NCOA5: variants seen among roughly 807,000 people sequenced by gnomAD.
NCOA5 encodes the protein nuclear receptor coactivator 5, also known as NCoA-5.
NCOA5 carries 12 observed loss-of-function variants against 59.0 expected under a neutral mutation model. That is an observed-to-expected ratio of 0.20 (90% CI 0.13 to 0.33). The LOEUF (loss-of-function observed/expected upper bound fraction) is 0.33, where lower values mean the gene tolerates loss of function less well. Ranked by LOEUF, NCOA5 falls within the 10% of genes least tolerant of loss-of-function variation. The pLI is 1.00. For missense variants in NCOA5, 655 were observed against 766.6 expected, an observed-to-expected ratio of 0.85 and a Z score of 1.72; for synonymous variants, 270 against 275.5, an observed-to-expected ratio of 0.98 and a Z score of 0.20.
chr20:46,084,660 C>T (rs1161776588), intron 1 of NCOA5, among the ~76,000 whole-genome samples: 1 of 152,216 alleles, frequency 6.6e-6, no homozygotes, highest in South Asian at 2.1e-4. Context: ...GGGAAATTTA[C>T]TCCAGTCATT....
rs1197528765 is a variant in NCOA5, at chr20:46,062,584, T to C, written c.1456A>G (p.Ser486Gly). 9.9e-6 allele frequency: 16 copies of C among 1,614,210 alleles called. No homozygotes were observed. The highest frequency in any genetic ancestry group is 1.3e-5 in the Non-Finnish European group (15 of 1,180,030). Residue 486 changes from serine (S) to glycine (G), a missense_variant, in exon 8 of 8, where the codon AGC becomes GGC. Coordinates refer to ENST00000290231, the MANE Select transcript of NCOA5 (RefSeq NM_020967.3). ...GCAGATCCTCCCTGTCCCAAAATGC[T>C]TGGAGGCTGATTGCCAGAAGCCTGT... is the stretch of plus-strand genomic sequence containing the variant. ...RSQASGNQPP[S>G]ILGQGGSAQN...
At chr20:46,073,763 G>A (rs1261994296) in intron 2 of NCOA5, among the ~76,000 whole-genome samples, 2 of 152,018 alleles carry the variant, frequency 1.3e-5, no homozygotes, top group Non-Finnish European at 2.9e-5. Context: ...TATTATAAGT[G>A]TTATGTTATG....
rs1013815981 is a variant in NCOA5 at position 46,061,022 on chromosome 20, CATTTT to C, written c.*1273_*1277del. The C allele has an allele frequency of 4.0e-5, 6 of 151,766 alleles. No homozygotes were observed. The East Asian group carries it at 7.8e-4, about 20-fold the overall frequency. 9.4% of individuals were successfully genotyped at this position (151,766 alleles called of 1,614,324 possible). A position where few individuals can be genotyped will look rare whatever the true frequency, so the allele number is the denominator to read the frequency against. On this transcript the variant is annotated 3_prime_UTR_variant, in exon 8 of 8. Transcript: ENST00000290231. ...CATTTTAATTAAAAAGTAATCATTT[CATTTT>C]ATTAACAACACAAGAGTTCCAAAGA...
rs750549487 is a variant in NCOA5 at position 46,070,500 on chromosome 20, C to T, written c.75G>A (p.Arg25=). The change falls in exon 3 of 8, where the codon AGG becomes AGA. Residue 25 remains arginine, a synonymous_variant. Coordinates refer to ENST00000290231, the MANE Select transcript of NCOA5 (RefSeq NM_020967.3). ...TTCCTCGAATTGGGGATCGATCACG[C>T]CTTGAATCTCGACTGTCTCCAAAGC... ...PYGFGDSRDS[R]RDRSPIRGSP... is the part of the protein sequence containing the mutation. The T allele has an allele frequency of 3.1e-6, 5 of 1,614,012 alleles. No homozygotes were observed. The East Asian group carries it at 8.9e-5, about 29-fold the overall frequency.
In NCOA5 at chr20:46,063,270, G is replaced by C. The variant is rs1476301094; in HGVS notation, c.1150+90C>G. 3.2e-5 allele frequency: 44 copies of C among 1,367,102 alleles called. 1 individual carries two copies. The highest frequency in any genetic ancestry group is 2.7e-5 in the Non-Finnish European group (27 of 1,006,842). 84.7% of individuals were successfully genotyped at this position (1,367,102 alleles called of 1,614,324 possible). A position where few individuals can be genotyped will look rare whatever the true frequency, so the allele number is the denominator to read the frequency against. Reference sequence around the variant, plus strand: ...ACTTAGTTCCCTTACCCACTCCAAAGAGCCCTGGGCCTGACACCCTCCCAA... The same window carrying C: ...ACTTAGTTCCCTTACCCACTCCAAACAGCCCTGGGCCTGACACCCTCCCAA... On this transcript the variant is annotated intron_variant, in intron 7 of 7. Transcript: ENST00000290231.
chr20:46,062,532 G>C lies in NCOA5; in HGVS notation c.1508C>G (p.Ala503Gly). Residue 503 changes from alanine (A) to glycine (G), a missense_variant, in exon 8 of 8, where the codon GCT becomes GGT. Around this residue, in one of 3 missense-constraint regions of NCOA5, gnomAD observed 325 missense variants for 353.2 expected, o/e 0.92. Transcript: ENST00000290231. ...CTGGCCAAAAAGCCCTTGGGAAGGA[G>C]CCCCAGGTCTGGGGCCCATGTTCTG... ...SAQNMGPRPGAPSQGLFGQPS... is the reference protein window; with the variant it reads ...SAQNMGPRPGGPSQGLFGQPS... 2.5e-6 allele frequency: 4 copies of C among 1,614,150 alleles called. No individual in the cohort carries two copies. Among genetic ancestry groups the C allele is most frequent in the Non-Finnish European group, 3.4e-6 (4 of 1,180,014 alleles).
chr20:46,085,561 G>A (rs191643097), intron 1 of NCOA5, among the ~76,000 whole-genome samples: 140 of 152,264 alleles, frequency 9.2e-4, no homozygotes, highest in Non-Finnish European at 1.5e-3. Flanking sequence ...ACTGGGTCCT[G>A]AGGAATGAGT....
At chr20:46,080,264 CA>C (rs1319489377) in intron 1 of NCOA5, among the ~76,000 whole-genome samples, 3 of 152,048 alleles carry the variant, frequency 2.0e-5, no homozygotes, top group Non-Finnish European at 2.9e-5. Context: ...ACCTGCTTTA[CA>C]AAAATTGAAG....
intron 1 of NCOA5, among the ~76,000 whole-genome samples, chr20:46,088,820 T>C (rs1568890995): frequency 6.6e-6 from 1 of 152,220 alleles, no homozygotes; most frequent in Admixed American, 6.5e-5. Flanking sequence ...AATCAGCTAC[T>C]CCTCGGGCAG....
intron 7 of NCOA5, 42 bp from the exon 8 acceptor site, chr20:46,062,931 C>A: frequency 6.7e-7 from 1 of 1,487,882 alleles, no homozygotes; most frequent in Non-Finnish European, 8.9e-7. Flanking sequence ...AAAGTACCCC[C>A]CAAGGGCAGG....
At position 46,063,427 on chromosome 20, in the gene NCOA5, G is replaced by T; in HGVS notation, c.1083C>A (p.Asp361Glu). Residue 361 changes from aspartate (D) to glutamate (E), a missense_variant, in exon 7 of 8, where the codon GAC becomes GAA. By Grantham distance (45) the Asp-to-Glu change is conservative (BLOSUM62 2). This residue lies in a region of NCOA5 where 325 missense variants were observed against 353.2 expected (regional missense o/e 0.92). Coordinates refer to ENST00000290231, the MANE Select transcript of NCOA5 (RefSeq NM_020967.3). ...DNRYLTAEET[D>E]KIINYLRERK... is the part of the protein sequence containing the mutation. ...GCTCTCGCAGGTAGTTGATGATCTT[G>T]TCAGTCTCTTCAGCAGTGAGGTACC... 1 of 1,614,180 alleles carries T rather than the reference G, an allele frequency of 6.2e-7. No individual in the cohort carries two copies. Among genetic ancestry groups the T allele is most frequent in the Non-Finnish European group, 8.5e-7 (1 of 1,180,042 alleles).
chr20:46,082,212 G>A (rs561841048), intron 1 of NCOA5, among the ~76,000 whole-genome samples: 37 of 152,214 alleles, frequency 2.4e-4, no homozygotes, highest in African/African-American at 8.7e-4. Flanking sequence ...AACCACAAAA[G>A]AATGGGGTGA....
In NCOA5 at chr20:46,062,717, A is replaced by T. The variant is rs1297886551; in HGVS notation, c.1323T>A (p.Ser441Arg). 6.2e-7 allele frequency: 1 copy of T among 1,613,962 alleles called. No homozygotes were observed. The highest frequency in any genetic ancestry group is 8.5e-7 in the Non-Finnish European group (1 of 1,179,900). Reference sequence around the variant, plus strand: ...AGCTGCTATTGGCCGTCACTGTGCCACTATTGAAGAGGCTGAGGATTTTGG... The same window carrying T: ...AGCTGCTATTGGCCGTCACTGTGCCTCTATTGAAGAGGCTGAGGATTTTGG... ...LQAKILSLFN[S>R]GTVTANSSSA... Residue 441 changes from serine to arginine, a missense_variant, in exon 8 of 8, where the codon AGT becomes AGA. Coordinates refer to ENST00000290231, the MANE Select transcript of NCOA5 (RefSeq NM_020967.3).
intron 3 of NCOA5, among the ~76,000 whole-genome samples, chr20:46,069,593 T>C (rs1202320724): frequency 2.0e-5 from 3 of 152,222 alleles, no homozygotes; most frequent in African/African-American, 7.2e-5. Context: ...TAGCCAGGTG[T>C]GGCGGCATAT....
Position 46,062,617 on chromosome 20 carries a change from G to T in NCOA5, c.1423C>A (p.Gln475Lys). ...TGATTGCCAGAAGCCTGTGATCTTT[G>T]TTGAGGCTGGCTGTTTGCTGCTGTG... The part of the protein sequence containing the change: ...FSTAANSQPQ[Q>K]RSQASGNQPP... The change falls in exon 8 of 8, where the codon CAA (glutamine) becomes AAA (lysine). Residue 475 changes from glutamine to lysine, a missense_variant. Transcript: ENST00000290231. The T allele has an allele frequency of 6.2e-7, 1 of 1,614,248 alleles. No homozygotes were observed. The highest frequency in any genetic ancestry group is 8.5e-7 in the Non-Finnish European group (1 of 1,180,052).
At chr20:46,088,986 T>G (rs1027520259) in intron 1 of NCOA5, among the ~76,000 whole-genome samples, 4 of 152,094 alleles carry the variant, frequency 2.6e-5, no homozygotes, top group Non-Finnish European at 5.9e-5. Flanking sequence ...TTAAATATAT[T>G]TAAGGAGAAA....
chr20:46,070,589 C>T, intron 2 of NCOA5, 53 bp from the exon 3 acceptor site: 1 of 1,552,286 alleles, frequency 6.4e-7, no homozygotes, highest in South Asian at 1.2e-5. Context: ...AGTAGCCAAC[C>T]CATCAGCTCT....
intron 1 of NCOA5, among the ~76,000 whole-genome samples, chr20:46,086,009 A>G (rs1041882176): frequency 6.6e-5 from 10 of 152,214 alleles, no homozygotes; most frequent in African/African-American, 2.4e-4. Flanking sequence ...AAGGGCTCCC[A>G]TGTAGCTAGG....
intron 1 of NCOA5, among the ~76,000 whole-genome samples, chr20:46,082,617 T>G (rs965759765): frequency 1.7e-4 from 26 of 152,248 alleles, no homozygotes; most frequent in African/African-American, 4.6e-4. Context: ...GTGATACTTC[T>G]ATACTTTGTT....
Sources: allele counts gnomAD v4.1 joint callset (sites outside exome capture counted in the v4.1 genomes callset), GRCh38; gene constraint gnomAD v4.1.1; regional missense constraint gnomAD v4.1.1; transcripts MANE v1.5; gene names NCBI Gene and HGNC (gene_info 2026-07-23, HGNC 2026-07-21).